Variants in KLHL29 observed in about 807,000 individuals in gnomAD.
The protein encoded by KLHL29 is kelch-like protein 29.
A neutral mutation model predicts 80.4 loss-of-function variants in KLHL29; 21 were observed. The observed-to-expected ratio is 0.26, with a 90% CI of 0.19 to 0.38. The LOEUF (loss-of-function observed/expected upper bound fraction) is 0.38. Ranked by LOEUF, KLHL29 falls within the 10% of genes least tolerant of loss-of-function variation. The probability of loss-of-function intolerance (pLI) is 1.00; values close to 1 mark genes in which losing one functional copy is unlikely to be tolerated. For synonymous variants in KLHL29, 511 were observed against 526.8 expected, an observed-to-expected ratio of 0.97 and a Z score of 0.41; for missense variants, 867 against 1,223.9, an observed-to-expected ratio of 0.71 and a Z score of 4.35.
chr2:23,626,160 A>C (rs954547912), intron 3 of KLHL29, among the ~76,000 whole-genome samples: 1 of 152,234 alleles, frequency 6.6e-6, no homozygotes, highest in African/African-American at 2.4e-5. Context: ...TTAGATTCTC[A>C]TAAGGAGTAC....
At chr2:23,524,062 C>A in intron 2 of KLHL29, 1 of 471,426 alleles carries the variant, frequency 2.1e-6, no homozygotes, top group South Asian at 1.5e-5. Context: ...CTTCCGAAGG[C>A]CTTCCCCATC....
chr2:23,557,916 C>T (rs961172077), intron 2 of KLHL29, among the ~76,000 whole-genome samples: 1 of 152,150 alleles, frequency 6.6e-6, no homozygotes, highest in African/African-American at 2.4e-5. Context: ...CTTATCACAA[C>T]AAAGATTCAC....
chr2:23,680,106 T>C lies in KLHL29; in HGVS notation c.941-4293T>C, dbSNP rs1671034142. On this transcript the variant is annotated intron_variant, in intron 5 of 13. Transcript: ENST00000486442. The surrounding 1 kb of genome is among the most constrained non-coding windows in gnomAD (Gnocchi z 4.1). Reference sequence around the variant, plus strand: ...GGAGGTGGCCTGGAGGGGGACAGGCTGGAAACAGGGAGACATCCTCAGAGG... The same window carrying C: ...GGAGGTGGCCTGGAGGGGGACAGGCCGGAAACAGGGAGACATCCTCAGAGG... 6.6e-6 allele frequency among the ~76,000 whole-genome samples: 1 copy of C among 152,088 alleles called. No individual in the cohort carries two copies. Among genetic ancestry groups the C allele is most frequent in the African/African-American group, 2.4e-5 (1 of 41,408 alleles).
chr2:23,452,480 A>G (rs1347252422), intron 1 of KLHL29, among the ~76,000 whole-genome samples: 1 of 152,146 alleles, frequency 6.6e-6, no homozygotes, highest in Non-Finnish European at 1.5e-5. Flanking sequence ...TGGAGGGGTC[A>G]CACATCCAAA....
intron 1 of KLHL29, among the ~76,000 whole-genome samples, chr2:23,414,063 G>A (rs1471978605): frequency 2.6e-5 from 4 of 152,202 alleles, no homozygotes; most frequent in African/African-American, 9.6e-5. Flanking sequence ...TTCCATTAAA[G>A]GACTGGAAAA....
At chr2:23,517,368 C>T (rs889809756) in intron 2 of KLHL29, among the ~76,000 whole-genome samples, 9 of 152,276 alleles carry the variant, frequency 5.9e-5, no homozygotes, top group Non-Finnish European at 1.3e-4. Flanking sequence ...CATGGTGAAA[C>T]GCCGTCTCTA....
chr2:23,680,583 G>T lies in KLHL29; in HGVS notation c.941-3816G>T, dbSNP rs954904934. ...AGGCTCAGCTGCCAGGACTCCACTC[G>T]CCAGACCCCACCGAGCCTCCATGCA... On this transcript the variant is annotated intron_variant, in intron 5 of 13. Coordinates refer to ENST00000486442, the MANE Select transcript of KLHL29 (RefSeq NM_052920.2). The surrounding 1 kb of genome is among the most constrained non-coding windows in gnomAD (Gnocchi z 4.1). 2.6e-5 allele frequency among the ~76,000 whole-genome samples: 4 copies of T among 152,072 alleles called. No individual in the cohort carries two copies.
At chr2:23,675,066 C>G (rs771290043) in intron 5 of KLHL29, among the ~76,000 whole-genome samples, 20 of 152,156 alleles carry the variant, frequency 1.3e-4, no homozygotes, top group Non-Finnish European at 2.6e-4. Flanking sequence ...TGGCCTTGAC[C>G]CTGTTTCTCA....
At chr2:23,478,236 G>A (rs1290960883) in intron 2 of KLHL29, among the ~76,000 whole-genome samples, 9 of 152,270 alleles carry the variant, frequency 5.9e-5, no homozygotes, top group East Asian at 5.8e-4. Context: ...AAATCACTAC[G>A]TGCAGCTGGG....
chr2:23,504,871 C>G (rs1212917180), intron 2 of KLHL29, among the ~76,000 whole-genome samples: 1 of 152,202 alleles, frequency 6.6e-6, no homozygotes, highest in African/African-American at 2.4e-5. Flanking sequence ...CAGGCCTCTC[C>G]TCCTCAAACC....
intron 1 of KLHL29, among the ~76,000 whole-genome samples, chr2:23,402,733 A>G (rs1402563320): frequency 3.3e-5 from 5 of 152,204 alleles, no homozygotes; most frequent in South Asian, 2.1e-4. Flanking sequence ...AAACATTTCT[A>G]TGGATATTGA....
At chr2:23,557,446 T>A (rs1667325939) in intron 2 of KLHL29, among the ~76,000 whole-genome samples, 1 of 152,162 alleles carries the variant, frequency 6.6e-6, no homozygotes, top group South Asian at 2.1e-4. Context: ...GTAATGAGGC[T>A]GCAACTAGAT....
At chr2:23,497,196 G>A (rs1433033687) in intron 2 of KLHL29, among the ~76,000 whole-genome samples, 1 of 152,134 alleles carries the variant, frequency 6.6e-6, no homozygotes, top group Non-Finnish European at 1.5e-5. Context: ...TGGGTTGGTT[G>A]CTTTCTTGGC....
intron 4 of KLHL29, among the ~76,000 whole-genome samples, chr2:23,641,358 C>T (rs1468749944): frequency 6.6e-6 from 1 of 152,190 alleles, no homozygotes; most frequent in African/African-American, 2.4e-5. Context: ...GGCCTGCCCT[C>T]CCCAGCAAGG....
intron 1 of KLHL29, among the ~76,000 whole-genome samples, chr2:23,449,938 C>A (rs1310615730): frequency 6.6e-6 from 1 of 152,190 alleles, no homozygotes; most frequent in East Asian, 1.9e-4. Flanking sequence ...GTTCTTTTGG[C>A]TGGCTTTATT....
chr2:23,663,012 C>G (rs899014044), intron 5 of KLHL29, among the ~76,000 whole-genome samples: 1 of 152,184 alleles, frequency 6.6e-6, no homozygotes, highest in African/African-American at 2.4e-5. Context: ...TGGGGGCAAT[C>G]TGTCATAGAG....
intron 2 of KLHL29, among the ~76,000 whole-genome samples, chr2:23,499,790 C>CT (rs1215777586): frequency 6.6e-6 from 1 of 152,348 alleles, no homozygotes; most frequent in Non-Finnish European, 1.5e-5. Flanking sequence ...AGCGCAGCTG[C>CT]TGTGTTTATG....
At chr2:23,400,314 T>C (rs1366021605) in intron 1 of KLHL29, among the ~76,000 whole-genome samples, 1 of 151,486 alleles carries the variant, frequency 6.6e-6, no homozygotes, top group Non-Finnish European at 1.5e-5. Flanking sequence ...CCTTTCTGGA[T>C]TGAAGCCTTG....
intron 5 of KLHL29, among the ~76,000 whole-genome samples, chr2:23,649,368 C>G (rs1003739289): frequency 2.6e-5 from 4 of 152,206 alleles, no homozygotes; most frequent in African/African-American, 9.6e-5. Flanking sequence ...AAGCCTCCTC[C>G]CCTCGCAGGG....
Sources: allele counts gnomAD v4.1 joint callset (sites outside exome capture counted in the v4.1 genomes callset), GRCh38; gene constraint gnomAD v4.1.1; non-coding constraint Gnocchi (gnomAD v3.1); transcripts MANE v1.5; gene names NCBI Gene and HGNC (gene_info 2026-07-23, HGNC 2026-07-21).